The following TAFA4 variants were observed in gnomAD, a reference collection of about 807,000 sequenced individuals.
The protein encoded by TAFA4 is chemokine-like protein TAFA-4.
TAFA4 carries 20 observed loss-of-function variants against 21.1 expected under a neutral mutation model. The observed-to-expected ratio is 0.95, with a 90% CI of 0.67 to 1.38. The LOEUF (loss-of-function observed/expected upper bound fraction) is 1.38, where lower values mean the gene tolerates loss of function less well. Ranked by LOEUF, TAFA4 falls within the 40% of genes most tolerant of loss-of-function variation. The probability of loss-of-function intolerance (pLI) is 0.00; values close to 1 mark genes in which losing one functional copy is unlikely to be tolerated. For missense variants in TAFA4, 211 were observed against 180.9 expected (o/e 1.17, Z -0.95); for synonymous variants, 71 against 67.4 (o/e 1.05, Z -0.26).
chr3:68,837,374 T>C (rs1410918537), intron 3 of TAFA4, among the ~76,000 whole-genome samples: 1 of 152,190 alleles, frequency 6.6e-6, no homozygotes, highest in Non-Finnish European at 1.5e-5. Flanking sequence ...CAAGAAACAC[T>C]GCCACAAAGT....
chr3:68,811,477 A>G (rs1703836583), intron 3 of TAFA4, among the ~76,000 whole-genome samples: 1 of 152,226 alleles, frequency 6.6e-6, no homozygotes, highest in Non-Finnish European at 1.5e-5. Context: ...AGAAGTCCTT[A>G]AAGGACCTGA....
At chr3:68,747,575 C>G (rs923510959) in intron 4 of TAFA4, among the ~76,000 whole-genome samples, 1 of 152,152 alleles carries the variant, frequency 6.6e-6, no homozygotes, top group African/African-American at 2.4e-5. Context: ...CATTAAACCT[C>G]TTTTGCTTTA....
intron 1 of TAFA4, among the ~76,000 whole-genome samples, chr3:68,897,403 G>GGC (rs2089802530): frequency 7.0e-6 from 1 of 143,546 alleles, no homozygotes; most frequent in Admixed American, 7.3e-5. Flanking sequence ...AAGGGGGGCA[G>GGC]ACACCTGAGA....
chr3:68,885,887 G>A (rs762677350), intron 1 of TAFA4, among the ~76,000 whole-genome samples: 3 of 152,048 alleles, frequency 2.0e-5, no homozygotes, highest in African/African-American at 4.8e-5. Flanking sequence ...TACTGTAGTT[G>A]ACATTCCCTC....
chr3:68,858,946 C>A lies in TAFA4; in HGVS notation c.130+21784G>T, dbSNP rs57565231. 4.9e-3 allele frequency among the ~76,000 whole-genome samples: 751 copies of A among 151,844 alleles called. 6 individuals carry two copies. The highest frequency in any genetic ancestry group is 0.017 in the African/African-American group (707 of 41,360). The stretch of plus-strand genomic sequence containing the variant: ...GGTCAATGTAAATGACAGAGACAGG[C>A]CTGAGGGTGACATAGAGAATGAAAA... On this transcript the variant is annotated intron_variant, in intron 3 of 5. Coordinates refer to ENST00000295569, the MANE Select transcript of TAFA4 (RefSeq NM_182522.5).
chr3:68,903,787 A>T (rs1390971748), intron 1 of TAFA4, among the ~76,000 whole-genome samples: 1 of 152,182 alleles, frequency 6.6e-6, no homozygotes, highest in African/African-American at 2.4e-5. Flanking sequence ...ATGAGACAGG[A>T]TCCACTGGCT....
chr3:68,751,074 G>C (rs1178032136), intron 4 of TAFA4, among the ~76,000 whole-genome samples: 1 of 152,236 alleles, frequency 6.6e-6, no homozygotes, highest in East Asian at 1.9e-4. Context: ...CAGACCAGGT[G>C]TGTCTCATGG....
intron 3 of TAFA4, among the ~76,000 whole-genome samples, chr3:68,795,568 C>A (rs575181648): frequency 6.6e-6 from 1 of 152,166 alleles, no homozygotes. Context: ...ATTGCTCTAT[C>A]CTGCTAAACC....
intron 1 of TAFA4, among the ~76,000 whole-genome samples, chr3:68,927,610 C>A (rs1255564178): frequency 1.3e-5 from 2 of 152,108 alleles, no homozygotes; most frequent in African/African-American, 4.8e-5. Context: ...ATAAGAAATA[C>A]AAGTATAGCC....
Position 68,788,426 on chromosome 3 carries a change from C to A in TAFA4, c.131-35408G>T, listed in dbSNP as rs2106808697. On this transcript the variant is annotated intron_variant, in intron 3 of 5. Transcript: ENST00000295569. ...TTCGGAGAGGTCATTTCTGACTATG[C>A]TATTTAAAAGCACAAGTCTTTGCTG... 2.0e-5 allele frequency among the ~76,000 whole-genome samples: 3 copies of A among 152,288 alleles called. No individual in the cohort carries two copies. The South Asian group carries it at 6.2e-4, about 32-fold the overall frequency.
intron 2 of TAFA4, 90 bp from the exon 3 acceptor site, chr3:68,880,935 G>A (rs757662123): frequency 6.5e-6 from 6 of 928,212 alleles, no homozygotes; most frequent in South Asian, 3.1e-5. Flanking sequence ...GAGAAAGCAG[G>A]GGCAGATCCC....
chr3:68,923,136 C>A (rs1321518217), intron 1 of TAFA4, among the ~76,000 whole-genome samples: 1 of 152,130 alleles, frequency 6.6e-6, no homozygotes, highest in Non-Finnish European at 1.5e-5. Context: ...ATTAGAACAC[C>A]CTGTCAGACA....
intron 1 of TAFA4, among the ~76,000 whole-genome samples, chr3:68,895,146 C>T (rs1277567304): frequency 6.6e-6 from 1 of 152,064 alleles, no homozygotes; most frequent in African/African-American, 2.4e-5. Context: ...TACAGGCGCC[C>T]GCCACCATGC....
intron 3 of TAFA4, among the ~76,000 whole-genome samples, chr3:68,813,124 C>A (rs549250579): frequency 2.6e-5 from 4 of 151,794 alleles, no homozygotes; most frequent in Non-Finnish European, 5.9e-5. Context: ...TCTTTGAAAC[C>A]GACGAGAACA....
At chr3:68,754,176 CATA>C (rs1388149070) in intron 3 of TAFA4, among the ~76,000 whole-genome samples, 2 of 152,224 alleles carry the variant, frequency 1.3e-5, no homozygotes, top group African/African-American at 4.8e-5. Flanking sequence ...CATAAGGTTA[CATA>C]ATGATTAAAG....
At position 68,766,120 on chromosome 3, in the gene TAFA4, T is replaced by C. The variant is rs551619550; in HGVS notation, c.131-13102A>G. On this transcript the variant is annotated intron_variant, in intron 3 of 5. Transcript: ENST00000295569. ...GAAAAGCACCTAAACATACCAATAA[T>C]AGTAGTACTACTCAAAAAGGAGAGA... 4.6e-5 allele frequency among the ~76,000 whole-genome samples: 7 copies of C among 152,062 alleles called. No individual in the cohort carries two copies. The South Asian group carries it at 1.5e-3, about 32-fold the overall frequency.
chr3:68,911,486 A>T (rs1433049452), intron 1 of TAFA4, among the ~76,000 whole-genome samples: 1 of 152,232 alleles, frequency 6.6e-6, no homozygotes, highest in African/African-American at 2.4e-5. Context: ...GGGTATGATC[A>T]ACTCAGATAG....
chr3:68,903,247 G>A (rs765924851), intron 1 of TAFA4, among the ~76,000 whole-genome samples: 3 of 152,070 alleles, frequency 2.0e-5, no homozygotes, highest in Non-Finnish European at 4.4e-5. Context: ...CCTCGAGAAT[G>A]GGATTCTGAA....
At position 68,826,522 on chromosome 3, in the gene TAFA4, G is replaced by A. The variant is rs558882325; in HGVS notation, c.130+54208C>T. 4.7e-5 allele frequency among the ~76,000 whole-genome samples: 7 copies of A among 148,708 alleles called. No homozygotes were observed. The East Asian group carries it at 5.9e-4, about 13-fold the overall frequency. ...CGGGAGGCAGAGCTTGCAGTGAGCC[G>A]AGATCGCGCCACCGCACTCCAGCCT... On this transcript the variant is annotated intron_variant, in intron 3 of 5. Transcript: ENST00000295569.
Sources: gnomAD v4.1 joint callset for allele counts (sites outside exome capture counted in the v4.1 genomes callset) on GRCh38, gnomAD v4.1.1 for gene constraint, MANE v1.5 for transcripts, NCBI Gene and HGNC (gene_info 2026-07-23, HGNC 2026-07-21) for gene names.